Variants in ENAM observed in about 807,000 individuals in gnomAD.
ENAM encodes the protein amelogenesis imperfecta 2, hypocalcification (autosomal dominant).
In ENAM, 21 loss-of-function variants were observed where a neutral mutation model predicts 33.6. The observed-to-expected ratio is 0.63, with a 90% CI of 0.44 to 0.90. ENAM has a LOEUF of 0.90. Among genes scored for constraint, ENAM ranks in the 40% least tolerant of loss-of-function variants. ENAM has a pLI of 0.00. For missense variants in ENAM, 1,388 were observed against 1,366.9 expected (o/e 1.02, Z -0.24); for synonymous variants, 473 against 468.4 (o/e 1.01, Z -0.13).
At chr4:70,637,470 T>C (rs1738479765) in intron 7 of ENAM, among the ~76,000 whole-genome samples, 1 of 152,080 alleles carries the variant, frequency 6.6e-6, no homozygotes, top group South Asian at 2.1e-4. Flanking sequence ...ATGGTGTGTG[T>C]TTGTTGGGGG....
At chr4:70,630,163 C>G (rs1738274393) in intron 2 of ENAM, among the ~76,000 whole-genome samples, 1 of 152,148 alleles carries the variant, frequency 6.6e-6, no homozygotes, top group African/African-American at 2.4e-5. Flanking sequence ...ACTACTGCTT[C>G]CTTTGTTTAA....
At chr4:70,636,862 G>A (rs906180567) in intron 7 of ENAM, among the ~76,000 whole-genome samples, 5 of 151,870 alleles carry the variant, frequency 3.3e-5, no homozygotes, top group Admixed American at 2.0e-4. Context: ...AAATAATATT[G>A]AAATTGCATC....
rs763039319 is a variant in ENAM, at chr4:70,642,926, T to G, written c.1500T>G (p.Asp500Glu). The G allele has an allele frequency of 3.1e-6, 5 of 1,614,074 alleles. No individual in the cohort carries two copies. The highest frequency in any genetic ancestry group is 8.5e-7 in the Non-Finnish European group (1 of 1,180,014). ...AAAACTCCTATTACCCAAGAGGAGATTCCAGAAAAGTCCCAAATTCTGATG... is the reference window on the plus strand; with the variant it reads ...AAAACTCCTATTACCCAAGAGGAGAGTCCAGAAAAGTCCCAAATTCTGATG... The part of the protein sequence containing the change: ...QHENSYYPRG[D>E]SRKVPNSDGQ... Residue 500 changes from aspartate (D) to glutamate (E), a missense_variant, in exon 9 of 9, where the codon GAT becomes GAG. By Grantham distance (45) the Asp-to-Glu change is conservative. Coordinates refer to ENST00000396073, the MANE Select transcript of ENAM (RefSeq NM_031889.3).
Position 70,643,906 on chromosome 4 carries a change from A to G in ENAM, c.2480A>G (p.Glu827Gly), listed in dbSNP as rs1738683829. 2 of 1,614,106 alleles carry G rather than the reference A, an allele frequency of 1.2e-6. No homozygotes were observed. The highest frequency in any genetic ancestry group is 2.7e-5 in the African/African-American group (2 of 74,944). ...LQKNPIWHEG[E>G]NLNYGMQITR... ...AAAAATCCAATATGGCATGAAGGTG[A>G]GAATTTGAACTATGGCATGCAAATA... is the stretch of plus-strand genomic sequence containing the variant. Residue 827 changes from glutamate to glycine, a missense_variant, in exon 9 of 9, where the codon GAG becomes GGG. By Grantham distance (98) the Glu-to-Gly change is moderately conservative (BLOSUM62 -2). Coordinates refer to ENST00000396073, the MANE Select transcript of ENAM (RefSeq NM_031889.3).
rs1577974408 is a variant in ENAM at position 70,644,847 on chromosome 4, C to T, written c.3421C>T (p.Gln1141Ter). ...CCAGGTACAAGACTGCTTACTACTT[C>T]AGGCCTAGGGGTTATCCAACCAAGC... Reference protein sequence around the residue: ...QDQVQDCLLLQA With the variant: ...QDQVQDCLLL Residue 1141 changes from glutamine (Q) to a stop codon, truncating the protein, a stop_gained, in exon 9 of 9, where the codon CAG (glutamine) becomes TAG (stop). Coordinates refer to ENST00000396073, the MANE Select transcript of ENAM (RefSeq NM_031889.3). LOFTEE classifies it high-confidence loss of function. 3 of 1,613,136 alleles carry T rather than the reference C, an allele frequency of 1.9e-6. No individual in the cohort carries two copies. The highest frequency in any genetic ancestry group is 2.5e-6 in the Non-Finnish European group (3 of 1,179,198).
At position 70,642,315 on chromosome 4, in the gene ENAM, G is replaced by A. The variant is rs369143554; in HGVS notation, c.889G>A (p.Ala297Thr). ...NGIGPLPAVN[A>T]SGQGGPGSQI... ...GATTGGCCCACTCCCTGCAGTCAAC[G>A]CTTCAGGCCAGGGAGGGCCAGGAAG... The change falls in exon 9 of 9, where the codon GCT becomes ACT. Residue 297 changes from alanine to threonine, a missense_variant. Ala to Thr is a moderately conservative substitution (Grantham distance 58). Coordinates refer to ENST00000396073, the MANE Select transcript of ENAM (RefSeq NM_031889.3). The A allele has an allele frequency of 3.0e-5, 49 of 1,614,006 alleles. No homozygotes were observed. Among genetic ancestry groups the A allele is most frequent in the African/African-American group, 4.0e-5 (3 of 74,896 alleles).
At position 70,634,403 on chromosome 4, in the gene ENAM, G is replaced by T; in HGVS notation, c.306G>T (p.Trp102Cys). 3 of 1,613,996 alleles carry T rather than the reference G, an allele frequency of 1.9e-6. No homozygotes were observed. The highest frequency in any genetic ancestry group is 1.6e-4 in the Middle Eastern group (1 of 6,062). ...GGCCTCAGCCACCACCCAACACATG[G>T]CATCCACGGAAATCCTCAGCACCCA... ...PMWPQPPPNT[W>C]HPRKSSAPKR... The change falls in exon 6 of 9, where the codon TGG (tryptophan) becomes TGT (cysteine). Residue 102 changes from tryptophan (W) to cysteine (C), a missense_variant. By Grantham distance (215) the Trp-to-Cys change is radical. Coordinates refer to ENST00000396073, the MANE Select transcript of ENAM (RefSeq NM_031889.3).
chr4:70,642,556 C>T lies in ENAM; in HGVS notation c.1130C>T (p.Pro377Leu), dbSNP rs368511194. 6.8e-6 allele frequency: 11 copies of T among 1,613,874 alleles called. No individual in the cohort carries two copies. The African/African-American group carries it at 1.5e-4, about 22-fold the overall frequency. The change falls in exon 9 of 9, where the codon CCA becomes CTA. Residue 377 changes from proline (P) to leucine (L), a missense_variant. Coordinates refer to ENST00000396073, the MANE Select transcript of ENAM (RefSeq NM_031889.3). ...ERKQVARPGNPVYHKAYPPTS... is the reference protein window; with the variant it reads ...ERKQVARPGNLVYHKAYPPTS... ...AAACAAGTAGCTCGTCCAGGAAATC[C>T]AGTTTATCACAAAGCTTACCCTCCT...
rs1343700582 is a variant in ENAM at position 70,642,711 on chromosome 4, C to G, written c.1285C>G (p.Arg429Gly). Residue 429 changes from arginine to glycine, a missense_variant, in exon 9 of 9, where the codon CGC becomes GGC. By Grantham distance (125) the Arg-to-Gly change is moderately radical. Transcript: ENST00000396073. ...PLGPKPGPVV[R>G]NEKIQNPKEK... ...GGGTCCCAAACCTGGCCCTGTTGTT[C>G]GCAATGAAAAAATCCAAAATCCAAA... 4 of 1,604,576 alleles carry G rather than the reference C, an allele frequency of 2.5e-6. No individual in the cohort carries two copies. In the Admixed American group the frequency reaches 6.9e-5, roughly 28 times the overall value.
At position 70,643,008 on chromosome 4, in the gene ENAM, C is replaced by A; in HGVS notation, c.1582C>A (p.Pro528Thr). The A allele has an allele frequency of 6.2e-7, 1 of 1,613,982 alleles. No homozygotes were observed. Among genetic ancestry groups the A allele is most frequent in the Non-Finnish European group, 8.5e-7 (1 of 1,179,976 alleles). The change falls in exon 9 of 9, where the codon CCA becomes ACA. Residue 528 changes from proline to threonine, a missense_variant. By Grantham distance (38) the Pro-to-Thr change is conservative. Transcript: ENST00000396073. ...GATTGTTTTAGGGTCAAGAAGGATGCCATATGAATCAGAAACTAATCAGTC... is the reference window on the plus strand; with the variant it reads ...GATTGTTTTAGGGTCAAGAAGGATGACATATGAATCAGAAACTAATCAGTC... ...KGIVLGSRRM[P>T]YESETNQSEL...
At chr4:70,637,764 T>G (rs1056032172) in intron 7 of ENAM, 26 bp from the exon 8 acceptor site, 2 of 1,604,924 alleles carry the variant, frequency 1.2e-6, no homozygotes, top group South Asian at 2.2e-5. Context: ...TTTTCTCCTG[T>G]GTTCACTGTG....
intron 1 of ENAM, 116 bp from the exon 2 acceptor site, chr4:70,629,324 AT>A: frequency 1.6e-6 from 1 of 630,252 alleles, no homozygotes; most frequent in South Asian, 1.9e-5. Flanking sequence ...ATTAAACTTG[AT>A]TTTGTGGCCC....
intron 3 of ENAM, 32 bp from the exon 4 acceptor site, chr4:70,631,817 T>C (rs1254683124): frequency 6.2e-7 from 1 of 1,613,186 alleles, no homozygotes; most frequent in Non-Finnish European, 8.5e-7. Context: ...ACTGATGTTC[T>C]GCATTTGTCA....
At position 70,645,931 on chromosome 4, in the gene ENAM, G is replaced by A. The variant is rs1390684973; in HGVS notation, c.*1076G>A. ...TGGAGAATGAGGAACTGAAGAAACT[G>A]CCGCTCTGAGACTGCACATCCAGGA... is the stretch of plus-strand genomic sequence containing the variant. On this transcript the variant is annotated 3_prime_UTR_variant, in exon 9 of 9. Transcript: ENST00000396073. 1.3e-5 allele frequency: 2 copies of A among 152,130 alleles called. No homozygotes were observed. The highest frequency in any genetic ancestry group is 3.8e-4 in the East Asian group (2 of 5,204). The allele number at this position is 152,130 out of a possible 1,614,324, so 9.4% of individuals were successfully genotyped here.
At chr4:70,632,557 T>TA (rs920417958) in intron 4 of ENAM, 94 bp from the exon 5 acceptor site, 3 of 994,320 alleles carry the variant, frequency 3.0e-6, no homozygotes, top group African/African-American at 3.2e-5. Context: ...GTTCTAAGGT[T>TA]AAAAAAAGAA....
rs1738651216 is a variant in ENAM, at chr4:70,643,287, G to T, written c.1861G>T (p.Asp621Tyr). 7 of 1,614,028 alleles carry T rather than the reference G, an allele frequency of 4.3e-6. No homozygotes were observed. The highest frequency in any genetic ancestry group is 5.9e-6 in the Non-Finnish European group (7 of 1,179,966). Reference sequence around the variant, plus strand: ...ACCATACCTTAGAGGCAATACATGGGATGAGAGAGATGATTCTCCCAATAC... The same window carrying T: ...ACCATACCTTAGAGGCAATACATGGTATGAGAGAGATGATTCTCCCAATAC... ...NSPYLRGNTW[D>Y]ERDDSPNTMG... The change falls in exon 9 of 9, where the codon GAT (aspartate) becomes TAT (tyrosine). Residue 621 changes from aspartate (D) to tyrosine (Y), a missense_variant. Coordinates refer to ENST00000396073, the MANE Select transcript of ENAM (RefSeq NM_031889.3).
In ENAM at chr4:70,643,788, G is replaced by A. The variant is rs776719302; in HGVS notation, c.2362G>A (p.Asp788Asn). Residue 788 changes from aspartate to asparagine, a missense_variant, in exon 9 of 9, where the codon GAT becomes AAT. Transcript: ENST00000396073. ...RRPYFNRNIW[D>N]QATHLQKAPA... ...GCCGTATTTTAACAGAAATATCTGG[G>A]ATCAGGCAACACATTTACAAAAAGC... The A allele has an allele frequency of 6.2e-7, 1 of 1,614,138 alleles. No homozygotes were observed. The highest frequency in any genetic ancestry group is 1.7e-5 in the Admixed American group (1 of 60,020).
At position 70,645,211 on chromosome 4, in the gene ENAM, AGG is replaced by A; in HGVS notation, c.*357_*358del. The A allele has an allele frequency of 2.2e-6, 1 of 450,502 alleles. No individual in the cohort carries two copies. The highest frequency in any genetic ancestry group is 3.3e-5 in the South Asian group (1 of 30,326). The allele number at this position is 450,502 out of a possible 1,614,324, so 27.9% of individuals were successfully genotyped here. A position where few individuals can be genotyped will look rare whatever the true frequency, so the allele number is the denominator to read the frequency against. Reference sequence around the variant, plus strand: ...GCAAAATTGGTTTTTCAAGACTGAAAGGCAGATTAACTTTCCATTCTACTTAT... The same window carrying A: ...GCAAAATTGGTTTTTCAAGACTGAAACAGATTAACTTTCCATTCTACTTAT... On this transcript the variant is annotated 3_prime_UTR_variant, in exon 9 of 9. Transcript: ENST00000396073.
Position 70,642,412 on chromosome 4 carries a change from C to A in ENAM, c.986C>A (p.Pro329His). 2 of 1,614,070 alleles carry A rather than the reference C, an allele frequency of 1.2e-6. No individual in the cohort carries two copies. The highest frequency in any genetic ancestry group is 1.7e-6 in the Non-Finnish European group (2 of 1,180,004). Residue 329 changes from proline (P) to histidine (H), a missense_variant, in exon 9 of 9, where the codon CCT (proline) becomes CAT (histidine). Pro to His is a moderately conservative substitution (Grantham distance 77). Coordinates refer to ENST00000396073, the MANE Select transcript of ENAM (RefSeq NM_031889.3). ...CCATATCCTAATATAAGAAATTTTC[C>A]TTCAGGAAGACAGTGGTATTTCACT... Reference protein sequence around the residue: ...NHPYPNIRNFPSGRQWYFTGT... With the variant: ...NHPYPNIRNFHSGRQWYFTGT...
Sources: allele counts gnomAD v4.1 joint callset (sites outside exome capture counted in the v4.1 genomes callset), GRCh38; gene constraint gnomAD v4.1.1; transcripts MANE v1.5; gene names NCBI Gene and HGNC (gene_info 2026-07-23, HGNC 2026-07-21).